RARB: variants seen among roughly 807,000 people sequenced by gnomAD.
RARB encodes retinoic acid receptor beta, also known as HBV-activated protein.
Under a neutral mutation model 51.9 loss-of-function variants are expected in RARB, and 17 were observed. The ratio of observed to expected loss-of-function variants is 0.33; its 90% CI spans 0.22 to 0.49. RARB has a LOEUF of 0.49. Ranked by LOEUF, RARB falls within the 20% of genes least tolerant of loss-of-function variation. RARB has a pLI of 0.99. For missense variants in RARB, 369 were observed against 550.8 expected (o/e 0.67, Z 3.30); for synonymous variants, 215 against 195.4 (o/e 1.10, Z -0.84).
chr3:24,890,773 AAG>A (rs1189850051), intron 2 of RARB, among the ~76,000 whole-genome samples: 1 of 152,132 alleles, frequency 6.6e-6, no homozygotes, highest in Non-Finnish European at 1.5e-5. Flanking sequence ...TTCCTGGACA[AAG>A]AGTTTTTTGG....
chr3:25,386,557 T>C (rs1022872280), intron 5 of RARB, among the ~76,000 whole-genome samples: 5 of 152,224 alleles, frequency 3.3e-5, no homozygotes, highest in African/African-American at 7.2e-5. Flanking sequence ...AGGCATGAGA[T>C]GAAAGTATCC....
intron 2 of RARB, among the ~76,000 whole-genome samples, chr3:24,913,135 C>T (rs754656200): frequency 6.6e-6 from 1 of 151,616 alleles, no homozygotes; most frequent in Admixed American, 6.6e-5. Context: ...CACCCGCCAC[C>T]ACGCCCGGCT....
chr3:25,511,370 A>G (rs745957037), intron 3 of RARB, among the ~76,000 whole-genome samples: 5 of 152,108 alleles, frequency 3.3e-5, no homozygotes, highest in Admixed American at 2.6e-4. Flanking sequence ...TGACCTCGTG[A>G]TCTGCCCACC....
intron 2 of RARB, among the ~76,000 whole-genome samples, chr3:24,898,785 G>C (rs1021995309): frequency 6.6e-6 from 1 of 152,134 alleles, no homozygotes; most frequent in East Asian, 1.9e-4. Flanking sequence ...AATGTTTTTA[G>C]CATTTGGCTT....
At chr3:24,861,592 T>C in intron 2 of RARB, among the ~76,000 whole-genome samples, 1 of 62,494 alleles carries the variant, frequency 1.6e-5, no homozygotes, top group African/African-American at 1.1e-4. Context: ...AATAACTTGT[T>C]ATAAAAAAAA....
chr3:25,070,755 AG>A (rs1237267333), intron 3 of RARB, among the ~76,000 whole-genome samples: 2 of 152,224 alleles, frequency 1.3e-5, no homozygotes, highest in African/African-American at 2.4e-5. Flanking sequence ...TACATTCTCA[AG>A]GTATGTTCAG....
intron 1 of RARB, among the ~76,000 whole-genome samples, chr3:25,442,009 C>T (rs531175188): frequency 1.8e-4 from 27 of 152,292 alleles, no homozygotes; most frequent in Non-Finnish European, 3.5e-4. Context: ...TGGAAAGGAT[C>T]TATAATTCTA....
At chr3:25,155,602 T>G (rs1182347639) in intron 4 of RARB, among the ~76,000 whole-genome samples, 1 of 152,230 alleles carries the variant, frequency 6.6e-6, no homozygotes, top group Non-Finnish European at 1.5e-5. Context: ...GTAGGTGGAT[T>G]AAAAATATAA....
intron 2 of RARB, among the ~76,000 whole-genome samples, chr3:24,903,374 A>G (rs1054687670): frequency 5.9e-5 from 9 of 152,292 alleles, no homozygotes; most frequent in South Asian, 4.1e-4. Context: ...TGAGTTGTCC[A>G]TTTATTTGAA....
intron 2 of RARB, among the ~76,000 whole-genome samples, chr3:25,029,041 T>C (rs4429595): frequency 0.89 from 135,034 of 152,124 alleles, 60,114 homozygotes; most frequent in African/African-American, 0.93. Flanking sequence ...AAGTAAAGCA[T>C]GAGAGGAGCT....
At chr3:25,355,735 T>G (rs1166274875) in intron 5 of RARB, among the ~76,000 whole-genome samples, 2 of 152,132 alleles carry the variant, frequency 1.3e-5, no homozygotes, top group Admixed American at 1.3e-4. Context: ...CACAGCATTT[T>G]CCAAACCTCA....
intron 5 of RARB, among the ~76,000 whole-genome samples, chr3:25,387,995 A>G (rs1254952834): frequency 3.3e-5 from 5 of 152,110 alleles, no homozygotes; most frequent in African/African-American, 1.2e-4. Flanking sequence ...CGTCTCATTG[A>G]TTTTTGGATT....
intron 3 of RARB, among the ~76,000 whole-genome samples, chr3:25,085,155 C>T (rs1206957774): frequency 2.0e-5 from 3 of 152,124 alleles, no homozygotes; most frequent in Non-Finnish European, 4.4e-5. Context: ...GTTCAAAATA[C>T]TGAATTATTT....
rs571813956 is a variant in RARB, at chr3:25,130,984, ATAT to A, written c.-327-1173_-327-1171del. Among the ~76,000 whole-genome samples the A allele has an allele frequency of 7.1e-4, 23 of 32,196 alleles. 1 individual carries two copies. The highest frequency in any genetic ancestry group is 9.9e-4 in the Admixed American group (2 of 2,012). 21.1% of individuals were successfully genotyped at this position (32,196 alleles called of 152,430 possible). On this transcript the variant is annotated intron_variant, in intron 3 of 11. Transcript: ENST00000383772. ...ATATTATCAATATTTATTATTGATA[ATAT>A]TATCAATATTTATTTATTATTTATC...
At chr3:24,986,828 A>T (rs1355730976) in intron 2 of RARB, among the ~76,000 whole-genome samples, 1 of 152,086 alleles carries the variant, frequency 6.6e-6, no homozygotes, top group Non-Finnish European at 1.5e-5. Flanking sequence ...CTGTGCGGTG[A>T]ACTCCTACCC....
chr3:25,404,396 A>C (rs1707349920), intron 5 of RARB, among the ~76,000 whole-genome samples: 1 of 152,206 alleles, frequency 6.6e-6, no homozygotes, highest in African/African-American at 2.4e-5. Flanking sequence ...ATTTGCATTT[A>C]ATTCCCTGGA....
At chr3:25,574,061 T>C (rs1291567803) in intron 4 of RARB, among the ~76,000 whole-genome samples, 1 of 152,080 alleles carries the variant, frequency 6.6e-6, no homozygotes, top group Admixed American at 6.5e-5. Flanking sequence ...GGATTCCCTG[T>C]GGAAAGGTGG....
chr3:25,298,042 G>C (rs535280577), intron 5 of RARB, among the ~76,000 whole-genome samples: 1 of 152,238 alleles, frequency 6.6e-6, no homozygotes, highest in African/African-American at 2.4e-5. Flanking sequence ...TGTAATATAG[G>C]ACAAAAGACA....
chr3:25,163,766 A>G (rs531380473), intron 4 of RARB, among the ~76,000 whole-genome samples: 1 of 152,170 alleles, frequency 6.6e-6, no homozygotes, highest in Non-Finnish European at 1.5e-5. Flanking sequence ...TCACAGGCAT[A>G]CTTCTAATCC....
Sources: gnomAD v4.1 joint callset for allele counts (sites outside exome capture counted in the v4.1 genomes callset) on GRCh38, gnomAD v4.1.1 for gene constraint, MANE v1.5 for transcripts, NCBI Gene and HGNC (gene_info 2026-07-23, HGNC 2026-07-21) for gene names.